Variants in PTPRN2 observed in about 807,000 individuals in gnomAD.
PTPRN2 encodes receptor-type tyrosine-protein phosphatase N2.
Under a neutral mutation model 118.8 loss-of-function variants are expected in PTPRN2, and 74 were observed. That is an observed-to-expected ratio of 0.62 (90% CI 0.52 to 0.76). The LOEUF (loss-of-function observed/expected upper bound fraction) is 0.76, where lower values mean the gene tolerates loss of function less well. Among genes scored for constraint, PTPRN2 ranks in the 30% least tolerant of loss-of-function variants. The pLI, the probability that PTPRN2 is intolerant of heterozygous loss-of-function variation, is 0.00. For synonymous variants in PTPRN2, 641 were observed against 608.0 expected, an observed-to-expected ratio of 1.05 and a Z score of -0.80; for missense variants, 1,481 against 1,394.4, an observed-to-expected ratio of 1.06 and a Z score of -0.99.
At position 157,604,121 on chromosome 7, in the gene PTPRN2, G is replaced by A. The variant is rs953092845; in HGVS notation, c.2345-46C>T. The A allele has an allele frequency of 2.5e-6, 4 of 1,580,512 alleles. No individual in the cohort carries two copies. In the African/African-American group the frequency reaches 4.0e-5, roughly 16 times the overall value. On this transcript the variant is annotated intron_variant, in intron 15 of 22. Coordinates refer to ENST00000389418, the MANE Select transcript of PTPRN2 (RefSeq NM_002847.5). ...GGTCAGAGGAACATTGGCCCACCCA[G>A]CAGTGTGAGACCCCCACTTGGCCTC...
At chr7:158,315,959 C>T (rs543454319) in intron 3 of PTPRN2, among the ~76,000 whole-genome samples, 19 of 152,262 alleles carry the variant, frequency 1.2e-4, no homozygotes, top group East Asian at 3.9e-4. Context: ...AAGGTGGTCG[C>T]GGTGGCAGAG....
intron 13 of PTPRN2, among the ~76,000 whole-genome samples, chr7:157,670,500 A>G (rs925554704): frequency 6.6e-6 from 1 of 152,190 alleles, no homozygotes; most frequent in African/African-American, 2.4e-5. Flanking sequence ...GGCTTCTGTG[A>G]TGGTCTTTAA....
intron 2 of PTPRN2, among the ~76,000 whole-genome samples, chr7:158,470,566 G>C (rs1004900895): frequency 6.6e-6 from 1 of 152,170 alleles, no homozygotes; most frequent in African/African-American, 2.4e-5. Flanking sequence ...CAAAGGGTGG[G>C]GGTAGGAAGG....
chr7:158,555,835 A>T lies in PTPRN2; in HGVS notation c.112+31723T>A, dbSNP rs546609244. Among the ~76,000 whole-genome samples the T allele has an allele frequency of 6.6e-6, 1 of 152,284 alleles. No homozygotes were observed. Among genetic ancestry groups the T allele is most frequent in the Non-Finnish European group, 1.5e-5 (1 of 68,020 alleles). ...AGCAAGCTCAGGATGATGAAGACACATCCTATCTTCGAGGACCCAGCTCGC... is the reference window on the plus strand; with the variant it reads ...AGCAAGCTCAGGATGATGAAGACACTTCCTATCTTCGAGGACCCAGCTCGC... On this transcript the variant is annotated intron_variant, in intron 1 of 22. Transcript: ENST00000389418. This position sits in a 1 kb window ranked among gnomAD's most constrained non-coding sequence, Gnocchi z 4.7.
chr7:158,285,229 G>A (rs1018927872), intron 3 of PTPRN2, among the ~76,000 whole-genome samples: 2 of 152,194 alleles, frequency 1.3e-5, no homozygotes, highest in African/African-American at 4.8e-5. Flanking sequence ...GGGAAGAAAA[G>A]GGCACTCGCG....
At chr7:158,471,811 C>T (rs1469430915) in intron 2 of PTPRN2, among the ~76,000 whole-genome samples, 2 of 152,228 alleles carry the variant, frequency 1.3e-5, no homozygotes, top group African/African-American at 2.4e-5. Context: ...TGAAAAGCAA[C>T]CAAGAAGACT....
At chr7:158,108,869 G>A (rs1035689213) in intron 10 of PTPRN2, among the ~76,000 whole-genome samples, 2 of 152,266 alleles carry the variant, frequency 1.3e-5, no homozygotes, top group Non-Finnish European at 2.9e-5. Context: ...GGTGCCCAGT[G>A]AGCATCTGCT....
chr7:158,040,365 A>G (rs556269080), intron 11 of PTPRN2, among the ~76,000 whole-genome samples: 3 of 151,828 alleles, frequency 2.0e-5, no homozygotes, highest in South Asian at 2.1e-4. Context: ...ATACACATGC[A>G]CACACACACG....
intron 10 of PTPRN2, among the ~76,000 whole-genome samples, chr7:158,104,076 T>G (rs1337725082): frequency 6.6e-6 from 1 of 152,156 alleles, no homozygotes; most frequent in African/African-American, 2.4e-5. Flanking sequence ...TTGGCCAGGC[T>G]GGTCCTGAAC....
intron 10 of PTPRN2, among the ~76,000 whole-genome samples, chr7:158,109,723 CCT>C (rs1329716950): frequency 6.6e-6 from 1 of 151,748 alleles, no homozygotes; most frequent in Admixed American, 6.6e-5. Flanking sequence ...TGACGTCACC[CCT>C]GTGTGATGAG....
intron 11 of PTPRN2, among the ~76,000 whole-genome samples, chr7:157,901,649 G>GTGGA (rs1797447686): frequency 6.6e-6 from 1 of 152,242 alleles, no homozygotes; most frequent in Non-Finnish European, 1.5e-5. Flanking sequence ...GTTCTACTGA[G>GTGGA]TGGATGCAAA....
At chr7:157,605,444 G>A (rs981119830) in intron 15 of PTPRN2, among the ~76,000 whole-genome samples, 2 of 152,234 alleles carry the variant, frequency 1.3e-5, no homozygotes, top group African/African-American at 4.8e-5. Context: ...GGCTACAGCT[G>A]TTCTCTCCTT....
At chr7:158,299,822 C>T (rs1452980870) in intron 3 of PTPRN2, among the ~76,000 whole-genome samples, 4 of 152,154 alleles carry the variant, frequency 2.6e-5, no homozygotes, top group Non-Finnish European at 5.9e-5. Context: ...GAAGCCCTGG[C>T]AGGTGCTTGC....
intron 2 of PTPRN2, among the ~76,000 whole-genome samples, chr7:158,393,174 T>A (rs1015405672): frequency 5.3e-5 from 8 of 152,184 alleles, no homozygotes; most frequent in Non-Finnish European, 7.4e-5. Context: ...CATCCCATCC[T>A]GGTCACAGCG....
At chr7:157,982,142 C>CT (rs1563295767) in intron 11 of PTPRN2, among the ~76,000 whole-genome samples, 19 of 133,492 alleles carry the variant, frequency 1.4e-4, no homozygotes, top group African/African-American at 1.9e-4. Flanking sequence ...GCAGCGTCCC[C>CT]CATAAACCCC....
At chr7:158,312,004 C>T (rs1801802379) in intron 3 of PTPRN2, among the ~76,000 whole-genome samples, 1 of 151,728 alleles carries the variant, frequency 6.6e-6, no homozygotes, top group East Asian at 2.0e-4. Context: ...CATGCACACA[C>T]ACCTGCACAT....
chr7:158,251,906 T>TCC (rs1159038762), intron 3 of PTPRN2, among the ~76,000 whole-genome samples: 2 of 152,096 alleles, frequency 1.3e-5, no homozygotes, highest in African/African-American at 4.8e-5. Context: ...ACTTGAAGCC[T>TCC]CCATTCCATT....
intron 1 of PTPRN2, among the ~76,000 whole-genome samples, chr7:158,504,859 T>C (rs944989320): frequency 1.3e-5 from 2 of 152,242 alleles, no homozygotes; most frequent in African/African-American, 4.8e-5. Context: ...TGATTGTAAG[T>C]CCTTGGAGAG....
chr7:158,065,740 C>T (rs1810723105), intron 11 of PTPRN2, among the ~76,000 whole-genome samples: 1 of 151,946 alleles, frequency 6.6e-6, no homozygotes, highest in African/African-American at 2.4e-5. Context: ...CCACGAGGAC[C>T]TTAAAAAAAA....
Sources: allele counts gnomAD v4.1 joint callset (sites outside exome capture counted in the v4.1 genomes callset), GRCh38; gene constraint gnomAD v4.1.1; non-coding constraint Gnocchi (gnomAD v3.1); transcripts MANE v1.5; gene names NCBI Gene and HGNC (gene_info 2026-07-23, HGNC 2026-07-21).